Variants in MS4A6E observed in about 807,000 individuals in gnomAD.
MS4A6E encodes the protein membrane-spanning 4-domains subfamily A member 6E.
In MS4A6E, 8 loss-of-function variants were observed where a neutral mutation model predicts 13.2. The ratio of observed to expected loss-of-function variants is 0.60; its 90% CI spans 0.35 to 1.09. The LOEUF (loss-of-function observed/expected upper bound fraction) is 1.09. Ranked by LOEUF, MS4A6E falls within the 50% of genes least tolerant of loss-of-function variation. MS4A6E has a pLI of 0.02. For missense variants in MS4A6E, 177 were observed against 171.1 expected, an observed-to-expected ratio of 1.03 and a Z score of -0.19; for synonymous variants, 72 against 67.6, an observed-to-expected ratio of 1.06 and a Z score of -0.32.
chr11:60,342,393 T>C (rs2085233651), downstream of MS4A6E, among the ~76,000 whole-genome samples: 1 of 152,074 alleles, frequency 6.6e-6, no homozygotes, highest in Non-Finnish European at 1.5e-5. Flanking sequence ...AAAGAGTGAA[T>C]TTAAGAGCAG....
At chr11:60,344,261 G>A (rs1283817881), downstream of MS4A6E, among the ~76,000 whole-genome samples, 1 of 152,102 alleles carries the variant, frequency 6.6e-6, no homozygotes, top group Non-Finnish European at 1.5e-5. Flanking sequence ...TTTTCTGTAT[G>A]GCATGAAAAT....
At chr11:60,335,706 C>T (rs1462316593) in intron 2 of MS4A6E, 1 of 416,926 alleles carries the variant, frequency 2.4e-6, no homozygotes, top group Non-Finnish European at 4.7e-6. Flanking sequence ...TTCCTTGCCT[C>T]ATGTACAATC....
intron 1 of MS4A6E, among the ~76,000 whole-genome samples, chr11:60,334,129 G>T (rs2085173921): frequency 6.6e-6 from 1 of 152,202 alleles, no homozygotes; most frequent in Non-Finnish European, 1.5e-5. Context: ...ACATGACTCA[G>T]AGTGCAGAGT....
At chr11:60,338,924 A>G (rs986470464) in intron 3 of MS4A6E, among the ~76,000 whole-genome samples, 2 of 152,226 alleles carry the variant, frequency 1.3e-5, no homozygotes, top group Non-Finnish European at 2.9e-5. Flanking sequence ...TACAAATTCC[A>G]CCTTGGGAAA....
downstream of MS4A6E, among the ~76,000 whole-genome samples, chr11:60,344,606 G>T (rs2085247558): frequency 6.6e-6 from 1 of 152,202 alleles, no homozygotes; most frequent in Non-Finnish European, 1.5e-5. Flanking sequence ...TTGCCATCCT[G>T]ACTGTAGCCA....
chr11:60,342,144 AGTGTGTGTGTGTGT>A (rs757687887), downstream of MS4A6E, among the ~76,000 whole-genome samples: 1 of 125,412 alleles, frequency 8.0e-6, no homozygotes. Context: ...AGGATAAACA[AGTGTGTGTGTGTGT>A]GTGTGTGTGT....
At chr11:60,330,332 G>C (rs1394237322) in intron 1 of MS4A6E, among the ~76,000 whole-genome samples, 1 of 116,778 alleles carries the variant, frequency 8.6e-6, no homozygotes, top group Non-Finnish European at 1.7e-5. Context: ...GTTAATTTTG[G>C]CTCTTTTTTT....
In MS4A6E at chr11:60,348,336, G is replaced by A. The variant is rs189906812; in HGVS notation, c.*162+7408G>A. On this transcript the variant is annotated intron_variant and NMD_transcript_variant, in intron 4 of 4. Coordinates refer to the MS4A6E transcript ENST00000532756. ...GATGCTGTTGACCTAGAAATACCAC[G>A]TGCTTGCCAGATGAAGGGTAGAAAG... 1.2e-3 allele frequency among the ~76,000 whole-genome samples: 186 copies of A among 152,266 alleles called. 2 individuals carry two copies. Among genetic ancestry groups the A allele is most frequent in the African/African-American group, 4.2e-3 (173 of 41,546 alleles).
intron 2 of MS4A6E, among the ~76,000 whole-genome samples, chr11:60,337,140 G>T (rs2085192877): frequency 6.6e-6 from 1 of 152,160 alleles, no homozygotes; most frequent in South Asian, 2.1e-4. Flanking sequence ...TGCCTGCCCA[G>T]GTTCCAGGGC....
At chr11:60,332,385 C>T (rs75694256) in intron 1 of MS4A6E, among the ~76,000 whole-genome samples, 1 of 152,214 alleles carries the variant, frequency 6.6e-6, no homozygotes, top group Non-Finnish European at 1.5e-5. Flanking sequence ...TGTGTCAATG[C>T]TCATTATTCA....
At chr11:60,337,620 A>T in intron 2 of MS4A6E, 121 bp from the exon 3 acceptor site, 1 of 1,200,708 alleles carries the variant, frequency 8.3e-7, no homozygotes, top group Non-Finnish European at 1.2e-6. Flanking sequence ...ACAAGAAATG[A>T]TCCCTCCGGG....
chr11:60,332,999 CT>C (rs1379267205), intron 1 of MS4A6E, among the ~76,000 whole-genome samples: 7 of 152,206 alleles, frequency 4.6e-5, no homozygotes, highest in Non-Finnish European at 1.0e-4. Context: ...ATGTTTCTTC[CT>C]TTCTTTCCTT....
At chr11:60,332,571 G>T (rs2085163695) in intron 1 of MS4A6E, among the ~76,000 whole-genome samples, 1 of 152,124 alleles carries the variant, frequency 6.6e-6, no homozygotes, top group Non-Finnish European at 1.5e-5. Context: ...AAGGACATCT[G>T]TCCTTCTCTT....
chr11:60,330,498 G>A (rs1287811603), intron 1 of MS4A6E, among the ~76,000 whole-genome samples: 2 of 151,208 alleles, frequency 1.3e-5, no homozygotes, highest in East Asian at 2.0e-4. Context: ...CCACCACCAC[G>A]CCCAGCTAAT....
chr11:60,337,086 C>G (rs927953866), intron 2 of MS4A6E, among the ~76,000 whole-genome samples: 7 of 152,164 alleles, frequency 4.6e-5, no homozygotes, highest in Admixed American at 4.6e-4. Flanking sequence ...ACCTAGACCT[C>G]TGCCCACAGC....
intron 2 of MS4A6E, among the ~76,000 whole-genome samples, chr11:60,336,835 G>A (rs1171775926): frequency 6.6e-6 from 1 of 152,180 alleles, no homozygotes; most frequent in Admixed American, 6.5e-5. Flanking sequence ...TGTGAGCTCA[G>A]TTCTCTTTTC....
intron 1 of MS4A6E, among the ~76,000 whole-genome samples, chr11:60,329,755 T>C (rs1346856233): frequency 6.6e-6 from 1 of 152,182 alleles, no homozygotes; most frequent in African/African-American, 2.4e-5. Context: ...ATGATGAGCT[T>C]TTTTTCCTAT....
downstream of MS4A6E, among the ~76,000 whole-genome samples, chr11:60,346,088 C>T (rs542124887): frequency 5.9e-5 from 9 of 152,206 alleles, no homozygotes; most frequent in East Asian, 1.2e-3. Flanking sequence ...ACCATCAGTC[C>T]TATTGGACCA....
Position 60,337,859 on chromosome 11 carries a change from A to G in MS4A6E, c.266A>G (p.Glu89Gly). ...NPASLQCKLDEKDIPTRLLLS... is the reference protein window; with the variant it reads ...NPASLQCKLDGKDIPTRLLLS... ...GCCTCATTGCAGTGTAAGTTGGACG[A>G]AAAGGATATACCAACCAGACTTCTT... is the stretch of plus-strand genomic sequence containing the variant. The change falls in exon 3 of 5, where the codon GAA (glutamate) becomes GGA (glycine). Residue 89 changes from glutamate (E) to glycine (G), a missense_variant. Glu to Gly is a moderately conservative substitution (Grantham distance 98). Transcript: ENST00000684409. The G allele has an allele frequency of 1.2e-6, 2 of 1,614,190 alleles. No homozygotes were observed. Among genetic ancestry groups the G allele is most frequent in the Non-Finnish European group, 1.7e-6 (2 of 1,180,032 alleles).
Sources: gnomAD v4.1 joint callset for allele counts (sites outside exome capture counted in the v4.1 genomes callset) on GRCh38, gnomAD v4.1.1 for gene constraint, MANE v1.5 for transcripts, NCBI Gene and HGNC (gene_info 2026-07-23, HGNC 2026-07-21) for gene names.